The following PCA3 variants were observed in gnomAD, a reference collection of about 807,000 sequenced individuals.
PCA3 encodes prostate cancer associated 3.
At chr9:76,769,501 TC>T (rs2052843966) in intron 2 of PCA3, among the ~76,000 whole-genome samples, 1 of 148,152 alleles carries the variant, frequency 6.7e-6, no homozygotes, top group Non-Finnish European at 1.5e-5. Context: ...CGGCTCGTCG[TC>T]GCAACCTCCG....
chr9:76,765,477 G>C (rs2052246759), intron 2 of PCA3, among the ~76,000 whole-genome samples: 1 of 152,186 alleles, frequency 6.6e-6, no homozygotes, highest in Admixed American at 6.5e-5. Context: ...AGGTAAGGAA[G>C]GCATACAGAA....
chr9:76,784,419 A>T (rs1031755635), intron 2 of PCA3: 2 of 152,192 alleles, frequency 1.3e-5, no homozygotes, highest in African/African-American at 4.8e-5. Flanking sequence ...GGGAGGAGAT[A>T]ACCACGGGGC....
At chr9:76,782,956 G>A (rs1425819837) in intron 2 of PCA3, 1 of 152,198 alleles carries the variant, frequency 6.6e-6, no homozygotes, top group Non-Finnish European at 1.5e-5. Flanking sequence ...TGGTGTCTAT[G>A]AATTAGACAA....
intron 2 of PCA3, chr9:76,779,729 T>C (rs2054169963): frequency 6.6e-6 from 1 of 152,256 alleles, no homozygotes. Flanking sequence ...TACTGTACAG[T>C]TCATCAACTT....
intron 2 of PCA3, among the ~76,000 whole-genome samples, chr9:76,783,473 C>T (rs2054642765): frequency 1.3e-5 from 2 of 152,110 alleles, no homozygotes; most frequent in Admixed American, 6.5e-5. Flanking sequence ...GAGGGGACCT[C>T]AAGAGAATGG....
intron 2 of PCA3, among the ~76,000 whole-genome samples, chr9:76,770,904 T>C (rs954486862): frequency 2.6e-5 from 4 of 152,122 alleles, no homozygotes; most frequent in African/African-American, 9.7e-5. Flanking sequence ...TGAAGGAAGA[T>C]ACCAAAAATT....
At chr9:76,771,792 G>A (rs370744413) in intron 2 of PCA3, among the ~76,000 whole-genome samples, 1 of 152,154 alleles carries the variant, frequency 6.6e-6, no homozygotes, top group South Asian at 2.1e-4. Context: ...CCCAGAGGGA[G>A]AGGCCACTAT....
chr9:76,773,094 C>T (rs1056233375), intron 2 of PCA3, among the ~76,000 whole-genome samples: 2 of 152,176 alleles, frequency 1.3e-5, no homozygotes, highest in Non-Finnish European at 2.9e-5. Flanking sequence ...ACCTGAGATC[C>T]TACCAGCTTC....
chr9:76,782,470 T>G (rs542377882), intron 2 of PCA3, among the ~76,000 whole-genome samples: 8 of 152,348 alleles, frequency 5.3e-5, no homozygotes, highest in African/African-American at 1.9e-4. Flanking sequence ...TGCCACACTT[T>G]GTTTATCTGA....
chr9:76,766,546 T>C (rs979362435), intron 2 of PCA3, among the ~76,000 whole-genome samples: 4 of 152,228 alleles, frequency 2.6e-5, no homozygotes, highest in Admixed American at 6.5e-5. Context: ...AACTGGATCA[T>C]GTTCATGGAT....
At chr9:76,787,262 C>A (rs1307157555) in intron 2 of PCA3, 2 of 146,926 alleles carry the variant, frequency 1.4e-5, no homozygotes, top group African/African-American at 5.2e-5. Context: ...GGCTTTTATT[C>A]TCTTTATTAT....
intron 2 of PCA3, among the ~76,000 whole-genome samples, chr9:76,770,986 CT>C (rs1232743606): frequency 6.6e-6 from 1 of 152,086 alleles, no homozygotes; most frequent in Non-Finnish European, 1.5e-5. Context: ...CACTGTAACA[CT>C]TACTAAATTT....
intron 2 of PCA3, among the ~76,000 whole-genome samples, chr9:76,767,728 C>A (rs182089502): frequency 2.8e-4 from 43 of 152,234 alleles, no homozygotes; most frequent in South Asian, 1.0e-3. Context: ...TCTCGTGAAT[C>A]TTTAAATGAA....
intron 2 of PCA3, among the ~76,000 whole-genome samples, chr9:76,769,630 G>C (rs1242279322): frequency 1.3e-5 from 2 of 152,118 alleles, no homozygotes; most frequent in African/African-American, 4.8e-5. Flanking sequence ...TCTCCATGTT[G>C]GTCAGGCTGG....
intron 2 of PCA3, chr9:76,785,144 A>G (rs1287474595): frequency 6.6e-6 from 1 of 152,136 alleles, no homozygotes; most frequent in Non-Finnish European, 1.5e-5. Context: ...CCTCCCATGC[A>G]CCTAAACAAA....
chr9:76,773,795 T>G (rs115526722), intron 2 of PCA3, among the ~76,000 whole-genome samples: 2,575 of 152,304 alleles, frequency 0.017, 63 homozygotes, highest in African/African-American at 0.052. Flanking sequence ...TTCCCTGTTC[T>G]ATGTTTCAAC....
chr9:76,776,820 GTT>G (rs200859225), intron 2 of PCA3, among the ~76,000 whole-genome samples: 4 of 128,938 alleles, frequency 3.1e-5, no homozygotes, highest in African/African-American at 5.8e-5. Context: ...CCAGCCAGCA[GTT>G]TTTTTTTTTT....
chr9:76,765,145 G>A (rs1198855646), intron 2 of PCA3, among the ~76,000 whole-genome samples: 2 of 152,118 alleles, frequency 1.3e-5, no homozygotes, highest in Admixed American at 1.3e-4. Flanking sequence ...CACTTAGAGT[G>A]GACATGCAGT....
chr9:76,776,070 G>A (rs1052947608), intron 2 of PCA3, among the ~76,000 whole-genome samples: 1 of 152,168 alleles, frequency 6.6e-6, no homozygotes, highest in Non-Finnish European at 1.5e-5. Flanking sequence ...ACAATCTCAC[G>A]TGCACAGAGT....
Sources: allele counts gnomAD v4.1 joint callset (sites outside exome capture counted in the v4.1 genomes callset), GRCh38; gene constraint gnomAD v4.1.1; transcripts MANE v1.5; gene names NCBI Gene and HGNC (gene_info 2026-07-23, HGNC 2026-07-21).